The following KIF14 variants were observed in gnomAD, a reference collection of about 807,000 sequenced individuals.
KIF14 encodes the protein kinesin-like protein KIF14.
KIF14 carries 98 observed loss-of-function variants against 176.2 expected under a neutral mutation model. That is an observed-to-expected ratio of 0.56 (90% confidence interval 0.47 to 0.66). The LOEUF (loss-of-function observed/expected upper bound fraction) is 0.66, where lower values mean the gene tolerates loss of function less well. Among genes scored for constraint, KIF14 ranks in the 30% least tolerant of loss-of-function variants. The pLI, the probability that KIF14 is intolerant of heterozygous loss-of-function variation, is 0.00. For missense variants in KIF14, 1,751 were observed against 1,920.4 expected (o/e 0.91, Z 1.65); for synonymous variants, 566 against 632.2 (o/e 0.90, Z 1.57).
intron 18 of KIF14, 73 bp downstream of exon 18, chr1:200,589,144 T>C (rs1309719885): frequency 8.0e-7 from 1 of 1,255,916 alleles, no homozygotes; most frequent in Non-Finnish European, 1.1e-6. Context: ...CAACATACCA[T>C]AAGCCACTTC....
At chr1:200,608,367 CTT>C (rs200778779) in intron 5 of KIF14, among the ~76,000 whole-genome samples, 10 of 141,042 alleles carry the variant, frequency 7.1e-5, no homozygotes, top group Admixed American at 1.4e-4. Flanking sequence ...CGCTTCTTTT[CTT>C]TTTTTTTTTT....
chr1:200,577,759 T>A (rs1264414125), intron 21 of KIF14, among the ~76,000 whole-genome samples: 3 of 137,994 alleles, frequency 2.2e-5, no homozygotes, highest in Non-Finnish European at 4.8e-5. Flanking sequence ...TTCTGAGCTA[T>A]CTTTTCAGTT....
intron 15 of KIF14, 125 bp downstream of exon 15, chr1:200,593,542 T>G (rs1304587158): frequency 1.5e-6 from 1 of 686,350 alleles, no homozygotes; most frequent in Non-Finnish European, 2.5e-6. Flanking sequence ...AAAGAATTTT[T>G]GAAATGAAAA....
At chr1:200,612,704 A>G (rs1329636353) in intron 4 of KIF14, among the ~76,000 whole-genome samples, 2 of 152,014 alleles carry the variant, frequency 1.3e-5, no homozygotes, top group African/African-American at 4.8e-5. Context: ...ACTCAAATCT[A>G]CTTTTCCTCT....
intron 22 of KIF14, among the ~76,000 whole-genome samples, chr1:200,573,401 G>C (rs572537210): frequency 7.4e-6 from 1 of 135,302 alleles, no homozygotes; most frequent in Non-Finnish European, 1.6e-5. Context: ...ATACAGACAC[G>C]TTCCCTACAC....
In KIF14 at chr1:200,618,096, C is replaced by G; in HGVS notation, c.628G>C (p.Val210Leu). Residue 210 changes from valine (V) to leucine (L), a missense_variant, in exon 2 of 30, where the codon GTT (valine) becomes CTT (leucine). Transcript: ENST00000367350. ...CTATTACTTGAGTACTTAAGTGCAA[C>G]ATTTTCATTTGCTCTACTGGGGGCA... ...FSAPSRANEN[V>L]ALKYSSNRPP... 1 of 1,614,110 alleles carries G rather than the reference C, an allele frequency of 6.2e-7. No individual in the cohort carries two copies. The highest frequency in any genetic ancestry group is 8.5e-7 in the Non-Finnish European group (1 of 1,180,014).
chr1:200,574,978 T>C (rs897829548), intron 22 of KIF14, among the ~76,000 whole-genome samples: 14 of 143,810 alleles, frequency 9.7e-5, no homozygotes, highest in African/African-American at 3.7e-4. Context: ...AATCTCGCTC[T>C]GTCGCCCAGG....
At chr1:200,589,657 C>T (rs1658944239) in intron 17 of KIF14, among the ~76,000 whole-genome samples, 1 of 149,652 alleles carries the variant, frequency 6.7e-6, no homozygotes, top group African/African-American at 2.5e-5. Context: ...TCTATTATCG[C>T]CACCAACTTT....
At chr1:200,606,240 A>G (rs1323481307) in intron 6 of KIF14, among the ~76,000 whole-genome samples, 1 of 152,178 alleles carries the variant, frequency 6.6e-6, no homozygotes, top group East Asian at 1.9e-4. Flanking sequence ...GTCCCAATAC[A>G]ATCCCAGATG....
At chr1:200,600,243 T>C in intron 12 of KIF14, 113 bp downstream of exon 12, 1 of 1,240,764 alleles carries the variant, frequency 8.1e-7, no homozygotes, top group Non-Finnish European at 1.2e-6. Flanking sequence ...GGGAGTGGGC[T>C]GCTCTATTCA....
At position 200,617,780 on chromosome 1, in the gene KIF14, T is replaced by C. The variant is rs1660475312; in HGVS notation, c.944A>G (p.Gln315Arg). Residue 315 changes from glutamine to arginine, a missense_variant, in exon 2 of 30, where the codon CAA (glutamine) becomes CGA (arginine). Gln to Arg is a conservative substitution (Grantham distance 43). Transcript: ENST00000367350. ...KNRMSNLQVK[Q>R]RPKSSFLANK... is the part of the protein sequence containing the mutation. The stretch of plus-strand genomic sequence containing the variant: ...TGCAAGAAAGGAACTTTTTGGTCTT[T>C]GTTTAACTTGAAGGTTAGACATTCT... 2.5e-6 allele frequency: 4 copies of C among 1,614,078 alleles called. No individual in the cohort carries two copies. The highest frequency in any genetic ancestry group is 1.3e-5 in the African/African-American group (1 of 74,926).
intron 2 of KIF14, among the ~76,000 whole-genome samples, chr1:200,616,884 A>C (rs1388946851): frequency 6.6e-6 from 1 of 152,166 alleles, no homozygotes; most frequent in East Asian, 1.9e-4. Context: ...TATAACTACT[A>C]TATAGTAATC....
intron 1 of KIF14, among the ~76,000 whole-genome samples, chr1:200,619,362 TA>T (rs1192480313): frequency 8.5e-5 from 13 of 152,166 alleles, no homozygotes; most frequent in East Asian, 3.9e-4. Context: ...TTTATAAAAA[TA>T]TTTTTTTTGA....
intron 23 of KIF14, among the ~76,000 whole-genome samples, chr1:200,567,326 G>A (rs1657518876): frequency 6.6e-6 from 1 of 151,946 alleles, no homozygotes; most frequent in African/African-American, 2.4e-5. Context: ...TGGATCACGA[G>A]GTCAGGAGAT....
intron 4 of KIF14, among the ~76,000 whole-genome samples, chr1:200,610,668 A>G (rs1024549659): frequency 4.6e-5 from 7 of 152,238 alleles, no homozygotes; most frequent in African/African-American, 1.2e-4. Flanking sequence ...ATAAAGAAGT[A>G]TAAGACAAGA....
chr1:200,590,087 T>C, intron 17 of KIF14, 38 bp downstream of exon 17: 1 of 1,577,570 alleles, frequency 6.3e-7, no homozygotes, highest in Non-Finnish European at 8.6e-7. Flanking sequence ...TGGGGTACAC[T>C]GTCGGAAAAA....
intron 5 of KIF14, 81 bp downstream of exon 5, chr1:200,608,749 T>C (rs1660010973): frequency 6.2e-6 from 5 of 802,630 alleles, no homozygotes; most frequent in Non-Finnish European, 1.1e-5. Flanking sequence ...CTTTAAGCTA[T>C]ACCATCCAGA....
At chr1:200,608,077 A>T (rs888031182) in intron 5 of KIF14, among the ~76,000 whole-genome samples, 2 of 152,160 alleles carry the variant, frequency 1.3e-5, no homozygotes, top group African/African-American at 2.4e-5. Flanking sequence ...AGCAGTTTTT[A>T]AAAAAGATTA....
At chr1:200,569,004 C>CT (rs1558052740) in intron 23 of KIF14, among the ~76,000 whole-genome samples, 1 of 148,008 alleles carries the variant, frequency 6.8e-6, no homozygotes, top group Non-Finnish European at 1.5e-5. Flanking sequence ...CAGCTCACCA[C>CT]AACCTCTGCC....
Sources: gnomAD v4.1 joint callset for allele counts (sites outside exome capture counted in the v4.1 genomes callset) on GRCh38, gnomAD v4.1.1 for gene constraint, MANE v1.5 for transcripts, NCBI Gene and HGNC (gene_info 2026-07-23, HGNC 2026-07-21) for gene names.